HECW1: variants seen among roughly 807,000 people sequenced by gnomAD.
The protein encoded by HECW1 is HECT, C2 and WW domain containing E3 ubiquitin protein ligase 1, also known as E3 ubiquitin-protein ligase HECW1.
HECW1 carries 61 observed loss-of-function variants against 182.3 expected under a neutral mutation model. The ratio of observed to expected loss-of-function variants is 0.33; its 90% CI spans 0.27 to 0.41. HECW1 has a LOEUF of 0.41. Ranked by LOEUF, HECW1 falls within the 10% of genes least tolerant of loss-of-function variation. HECW1 has a pLI of 1.00. For missense variants in HECW1, 1,739 were observed against 2,108.9 expected, an observed-to-expected ratio of 0.82 and a Z score of 3.44; for synonymous variants, 859 against 832.6, an observed-to-expected ratio of 1.03 and a Z score of -0.55.
intron 6 of HECW1, among the ~76,000 whole-genome samples, chr7:43,375,330 A>C (rs1311109320): frequency 6.6e-6 from 1 of 152,098 alleles, no homozygotes. Context: ...ACCAGTTGTC[A>C]GTGATATGTG....
chr7:43,269,120 TACCTC>T, intron 3 of HECW1, among the ~76,000 whole-genome samples: 2 of 152,214 alleles, frequency 1.3e-5, no homozygotes, highest in Non-Finnish European at 2.9e-5. Flanking sequence ...TCTGACCATC[TACCTC>T]TTGACATCTC....
chr7:43,407,764 G>A, intron 8 of HECW1, 33 bp downstream of exon 8: 1 of 1,581,508 alleles, frequency 6.3e-7, no homozygotes, highest in South Asian at 1.1e-5. Context: ...AAAAGCCCAA[G>A]TAAAAGTGAA....
At chr7:43,386,141 A>G (rs2074786497) in intron 6 of HECW1, among the ~76,000 whole-genome samples, 1 of 152,192 alleles carries the variant, frequency 6.6e-6, no homozygotes, top group Non-Finnish European at 1.5e-5. Flanking sequence ...TGGTGTGTCA[A>G]ACCCTTCTCA....
rs1317720899 is a variant in HECW1, at chr7:43,496,855, G to C, written c.3437+3675G>C. 3.3e-5 allele frequency among the ~76,000 whole-genome samples: 5 copies of C among 152,186 alleles called. No homozygotes were observed. In the East Asian group the frequency reaches 9.6e-4, roughly 29 times the overall value. On this transcript the variant is annotated intron_variant, in intron 19 of 29. Coordinates refer to ENST00000395891, the MANE Select transcript of HECW1 (RefSeq NM_015052.5). ...TAATGGCATCTGTTATCTTCAAGGGGCATGGAGGTGGTCCTTCAACTAGTG... is the reference window on the plus strand; with the variant it reads ...TAATGGCATCTGTTATCTTCAAGGGCCATGGAGGTGGTCCTTCAACTAGTG...
intron 2 of HECW1, among the ~76,000 whole-genome samples, chr7:43,148,480 C>G (rs1171778084): frequency 1.3e-5 from 2 of 151,286 alleles, no homozygotes; most frequent in Non-Finnish European, 2.9e-5. Flanking sequence ...TCTAGTAGCT[C>G]TTGTCTTCAC....
At chr7:43,434,662 A>G (rs1174882903) in intron 8 of HECW1, among the ~76,000 whole-genome samples, 1 of 151,984 alleles carries the variant, frequency 6.6e-6, no homozygotes, top group Admixed American at 6.6e-5. Context: ...GTCTACATGG[A>G]CTCCAGTAAC....
At chr7:43,261,620 T>C (rs542535659) in intron 3 of HECW1, among the ~76,000 whole-genome samples, 1 of 152,262 alleles carries the variant, frequency 6.6e-6, no homozygotes, top group South Asian at 2.1e-4. Context: ...GTACCTTCAG[T>C]TAAACACACG....
chr7:43,485,583 G>A (rs1585050992), intron 17 of HECW1, among the ~76,000 whole-genome samples: 1 of 152,132 alleles, frequency 6.6e-6, no homozygotes, highest in Non-Finnish European at 1.5e-5. Flanking sequence ...CTCCCAGGCT[G>A]CAAACCTGTA....
At chr7:43,347,267 AT>A (rs58042420) in intron 5 of HECW1, among the ~76,000 whole-genome samples, 1,566 of 151,206 alleles carry the variant, frequency 0.01, 27 homozygotes, top group African/African-American at 0.035. Context: ...ATTTAATTTA[AT>A]TTTTTTTTTT....
At chr7:43,121,434 C>G (rs1003799504) in intron 2 of HECW1, among the ~76,000 whole-genome samples, 3 of 152,144 alleles carry the variant, frequency 2.0e-5, no homozygotes, top group Admixed American at 6.5e-5. Flanking sequence ...GCTCATATCC[C>G]CATGCACTCT....
At chr7:43,195,296 G>A (rs56206590) in intron 2 of HECW1, among the ~76,000 whole-genome samples, 15,636 of 152,262 alleles carry the variant, frequency 0.1, 892 homozygotes, top group East Asian at 0.15. Context: ...ACTGCACTGT[G>A]TGTGAGGTCG....
chr7:43,300,473 T>C (rs748477778), intron 3 of HECW1, among the ~76,000 whole-genome samples: 14 of 152,156 alleles, frequency 9.2e-5, no homozygotes, highest in Admixed American at 2.6e-4. Flanking sequence ...GGAAGAGGGA[T>C]AGAAGAGGGT....
intron 2 of HECW1, among the ~76,000 whole-genome samples, chr7:43,181,467 A>G (rs1792853071): frequency 6.6e-6 from 1 of 150,994 alleles, no homozygotes; most frequent in Admixed American, 6.6e-5. Context: ...CCAACATTGC[A>G]TAAGGGTTTC....
rs1430953686 is a variant in HECW1 at position 43,550,520 on chromosome 7, C to T, written c.4324C>T (p.Arg1442Cys). Reference sequence around the variant, plus strand: ...GAAAAACAAGAAGGAGTACATCGAGCGCATGGTGAAGTGGCGGGTGGAGCG... The same window carrying T: ...GAAAAACAAGAAGGAGTACATCGAGTGCATGGTGAAGTGGCGGGTGGAGCG... Reference protein sequence around the residue: ...TEKNKKEYIERMVKWRVERGV... With the variant: ...TEKNKKEYIECMVKWRVERGV... The change falls in exon 27 of 30, where the codon CGC (arginine) becomes TGC (cysteine). Residue 1442 changes from arginine to cysteine, a missense_variant. Arg to Cys is a radical substitution (Grantham distance 180). Around this residue, in one of 5 missense-constraint regions of HECW1, gnomAD observed 420 missense variants for 595.7 expected, o/e 0.71. Coordinates refer to ENST00000395891, the MANE Select transcript of HECW1 (RefSeq NM_015052.5). 5.6e-6 allele frequency: 9 copies of T among 1,613,862 alleles called. No homozygotes were observed. The highest frequency in any genetic ancestry group is 2.2e-5 in the East Asian group (1 of 44,892).
intron 3 of HECW1, among the ~76,000 whole-genome samples, chr7:43,300,456 C>G (rs1806594872): frequency 6.6e-6 from 1 of 152,110 alleles, no homozygotes; most frequent in Admixed American, 6.5e-5. Flanking sequence ...TGTCTCCTTT[C>G]AAGGGTGGAA....
intron 3 of HECW1, among the ~76,000 whole-genome samples, chr7:43,265,713 A>G (rs1442260565): frequency 6.6e-6 from 1 of 152,152 alleles, no homozygotes; most frequent in Non-Finnish European, 1.5e-5. Context: ...CCCAAATCCT[A>G]CAGGTTAAAG....
At chr7:43,168,384 A>G (rs1427745627) in intron 2 of HECW1, among the ~76,000 whole-genome samples, 2 of 152,178 alleles carry the variant, frequency 1.3e-5, no homozygotes, top group Admixed American at 1.3e-4. Context: ...CCAGCTGGGC[A>G]TGGTGGCTCA....
intron 3 of HECW1, among the ~76,000 whole-genome samples, chr7:43,291,028 T>C (rs1805331598): frequency 6.6e-6 from 1 of 152,222 alleles, no homozygotes; most frequent in African/African-American, 2.4e-5. Flanking sequence ...CTCAGTTCCC[T>C]TTACTGTTTA....
chr7:43,500,678 C>T, intron 19 of HECW1, 21 bp from the exon 20 acceptor site: 6 of 1,591,462 alleles, frequency 3.8e-6, no homozygotes, highest in Non-Finnish European at 5.2e-6. Flanking sequence ...TAATTTTCCT[C>T]TTCTTTCTCA....
Sources: gnomAD v4.1 joint callset for allele counts (sites outside exome capture counted in the v4.1 genomes callset) on GRCh38, gnomAD v4.1.1 for gene constraint, gnomAD v4.1.1 regional missense constraint, MANE v1.5 for transcripts, NCBI Gene and HGNC (gene_info 2026-07-23, HGNC 2026-07-21) for gene names.